Variants in ZNF536 observed in about 807,000 individuals in gnomAD.
ZNF536 encodes zinc finger protein 536.
In ZNF536, 13 loss-of-function variants were observed where a neutral mutation model predicts 84.5. The ratio of observed to expected loss-of-function variants is 0.15; its 90% CI spans 0.10 to 0.24. The LOEUF is 0.24. Ranked by LOEUF, ZNF536 falls within the 10% of genes least tolerant of loss-of-function variation. ZNF536 has a pLI of 1.00. For synonymous variants in ZNF536, 811 were observed against 742.5 expected (o/e 1.09, Z -1.50); for missense variants, 1,536 against 1,747.5 (o/e 0.88, Z 2.16).
At position 30,627,909 on chromosome 19, in the gene ZNF536, G is replaced by T. The variant is rs943139825; in HGVS notation, c.169+78395G>T. Among the ~76,000 whole-genome samples the T allele has an allele frequency of 2.6e-5, 4 of 152,162 alleles. No individual in the cohort carries two copies. The South Asian group carries it at 8.3e-4, about 32-fold the overall frequency. On this transcript the variant is annotated intron_variant, in intron 1 of 1. Coordinates refer to the ZNF536 transcript ENST00000592773. ...ATGGCTCAGCACCAATATGACCCAC[G>T]GCCTCCCAGGGCTGGGTGGCTCCGG...
At chr19:30,340,591 C>T (rs1262558682) in intron 2 of ZNF536, among the ~76,000 whole-genome samples, 2 of 152,332 alleles carry the variant, frequency 1.3e-5, no homozygotes, top group African/African-American at 4.8e-5. Flanking sequence ...GGCACCTTCG[C>T]ATCCCCGTGG....
chr19:30,614,891 C>T (rs2048226492), intron 1 of ZNF536, among the ~76,000 whole-genome samples: 1 of 144,642 alleles, frequency 6.9e-6, no homozygotes, highest in Admixed American at 7.0e-5. Context: ...GACGTGCTTG[C>T]TCCTTGATTT....
chr19:30,485,165 A>AATAAATAC lies in ZNF536; in HGVS notation c.2170+39449_2170+39456dup, dbSNP rs1555779935. ...TCTCAAAAACATAAATAAATAAATAAATAAATACATAAATACATAAATAAA... is the reference window on the plus strand; with the variant it reads ...TCTCAAAAACATAAATAAATAAATAAATAAATACATAAATACATAAATACATAAATAAA... On this transcript the variant is annotated intron_variant, in intron 2 of 4. Transcript: ENST00000355537. Among the ~76,000 whole-genome samples the AATAAATAC allele has an allele frequency of 1.9e-3, 295 of 151,810 alleles. 1 individual carries two copies. Among genetic ancestry groups the AATAAATAC allele is most frequent in the African/African-American group, 3.2e-3 (132 of 41,374 alleles).
chr19:30,702,840 A>G (rs553152321), intron 1 of ZNF536, among the ~76,000 whole-genome samples: 15 of 152,176 alleles, frequency 9.9e-5, no homozygotes, highest in Non-Finnish European at 1.9e-4. Flanking sequence ...GAAATCTGTG[A>G]TGTGCCAAGC....
intron 1 of ZNF536, among the ~76,000 whole-genome samples, chr19:30,439,868 A>T (rs2051936294): frequency 6.6e-6 from 1 of 151,702 alleles, no homozygotes; most frequent in Non-Finnish European, 1.5e-5. Context: ...GCCTGGGGTG[A>T]TAACCATGGA....
At chr19:30,534,466 G>A (rs2044985591) in intron 2 of ZNF536, among the ~76,000 whole-genome samples, 1 of 152,042 alleles carries the variant, frequency 6.6e-6, no homozygotes, top group South Asian at 2.1e-4. Context: ...CAGTCCCATA[G>A]TGAACTCTAC....
At chr19:30,432,244 G>A (rs1426920975) in intron 1 of ZNF536, among the ~76,000 whole-genome samples, 5 of 152,108 alleles carry the variant, frequency 3.3e-5, no homozygotes, top group Non-Finnish European at 4.4e-5. Context: ...ACTGCAGTCC[G>A]TGGATGTGAC....
At chr19:30,632,683 CAA>C (rs2048936394) in intron 1 of ZNF536, among the ~76,000 whole-genome samples, 1 of 152,038 alleles carries the variant, frequency 6.6e-6, no homozygotes, top group Non-Finnish European at 1.5e-5. Flanking sequence ...ACCAACCAAC[CAA>C]CCAACCAGAA....
At chr19:30,469,401 G>A (rs2053543099) in intron 2 of ZNF536, among the ~76,000 whole-genome samples, 1 of 152,008 alleles carries the variant, frequency 6.6e-6, no homozygotes, top group African/African-American at 2.4e-5. Context: ...AACAGAGTGA[G>A]ACTCCATCTC....
chr19:30,481,821 C>G (rs1442668858), intron 2 of ZNF536, among the ~76,000 whole-genome samples: 1 of 152,062 alleles, frequency 6.6e-6, no homozygotes, highest in Non-Finnish European at 1.5e-5. Flanking sequence ...ATCCCTCACC[C>G]CTCCCGCCCT....
chr19:30,683,363 G>A (rs986678838), intron 1 of ZNF536, among the ~76,000 whole-genome samples: 4 of 152,192 alleles, frequency 2.6e-5, no homozygotes, highest in African/African-American at 9.7e-5. Flanking sequence ...TCTAATAAAG[G>A]AATTTGAAAG....
intron 2 of ZNF536, among the ~76,000 whole-genome samples, chr19:30,478,467 A>G (rs1181346819): frequency 2.0e-5 from 3 of 152,174 alleles, no homozygotes; most frequent in East Asian, 3.9e-4. Context: ...GGGGGATCCT[A>G]GTGAAGCTCA....
At chr19:30,650,928 A>C (rs1350081615) in intron 1 of ZNF536, among the ~76,000 whole-genome samples, 4 of 152,234 alleles carry the variant, frequency 2.6e-5, no homozygotes, top group Non-Finnish European at 5.9e-5. Flanking sequence ...AGCATTGAGA[A>C]CTCGAGAATA....
intron 2 of ZNF536, among the ~76,000 whole-genome samples, chr19:30,491,194 C>T (rs189392908): frequency 2.0e-5 from 3 of 152,198 alleles, no homozygotes; most frequent in East Asian, 1.9e-4. Context: ...CAATTTTACT[C>T]CCCATAAACT....
Position 30,492,450 on chromosome 19 carries a change from G to C in ZNF536, c.2171-42397G>C, listed in dbSNP as rs555077855. ...GTTTGTTTTCAAAACAAAGAATTGGGTTAAAGCTGAGGTATCATATATCAG... is the reference window on the plus strand; with the variant it reads ...GTTTGTTTTCAAAACAAAGAATTGGCTTAAAGCTGAGGTATCATATATCAG... On this transcript the variant is annotated intron_variant, in intron 2 of 4. Coordinates refer to ENST00000355537, the MANE Select transcript of ZNF536 (RefSeq NM_014717.3). Among the ~76,000 whole-genome samples, 31 of 152,210 alleles carry C rather than the reference G, an allele frequency of 2.0e-4. No homozygotes were observed. In the South Asian group the frequency reaches 6.4e-3, roughly 32 times the overall value.
rs147783029 is a variant in ZNF536 at position 30,322,985 on chromosome 19, G to A, written c.-119-29383G>A. ...TGTTGGCAGAGGTACTGGGTCAGAT[G>A]TCTTGCCATCCCATTGACTGGAAGA... On this transcript the variant is annotated intron_variant, in intron 2 of 5. Coordinates refer to the ZNF536 transcript ENST00000585628. Among the ~76,000 whole-genome samples, 536 of 152,292 alleles carry A rather than the reference G, an allele frequency of 3.5e-3. 8 individuals carry two copies. The highest frequency in any genetic ancestry group is 0.012 in the African/African-American group (511 of 41,544).
At chr19:30,647,256 A>C (rs1423236430) in intron 1 of ZNF536, among the ~76,000 whole-genome samples, 1 of 152,186 alleles carries the variant, frequency 6.6e-6, no homozygotes, top group Admixed American at 6.5e-5. Context: ...CCACTGCTCA[A>C]GTCAAGCTTA....
At chr19:30,648,698 C>T (rs1836841119) in intron 1 of ZNF536, among the ~76,000 whole-genome samples, 1 of 152,178 alleles carries the variant, frequency 6.6e-6, no homozygotes, top group Non-Finnish European at 1.5e-5. Context: ...AATTTGCCCA[C>T]AAACAAGGAT....
At chr19:30,506,096 C>T (rs1217724940) in intron 2 of ZNF536, among the ~76,000 whole-genome samples, 3 of 151,540 alleles carry the variant, frequency 2.0e-5, no homozygotes, top group Admixed American at 1.3e-4. Flanking sequence ...CTATTTACAG[C>T]AGCAGGTAGA....
Sources: gnomAD v4.1 joint callset for allele counts (sites outside exome capture counted in the v4.1 genomes callset) on GRCh38, gnomAD v4.1.1 for gene constraint, MANE v1.5 for transcripts, NCBI Gene and HGNC (gene_info 2026-07-23, HGNC 2026-07-21) for gene names.